Variants in RIMS4 observed in about 807,000 individuals in gnomAD.
RIMS4 encodes regulating synaptic membrane exocytosis protein 4.
Under a neutral mutation model 29.0 loss-of-function variants are expected in RIMS4, and 9 were observed. That is an observed-to-expected ratio of 0.31 (90% CI 0.19 to 0.54). RIMS4 has a LOEUF of 0.54. RIMS4 is among the 20% of genes least tolerant of loss of function. The pLI is 0.94. For synonymous variants in RIMS4, 130 were observed against 152.9 expected (o/e 0.85, Z 1.10); for missense variants, 193 against 365.7 (o/e 0.53, Z 3.85).
At chr20:44,800,353 A>G (rs1318740962) in intron 1 of RIMS4, among the ~76,000 whole-genome samples, 2 of 152,088 alleles carry the variant, frequency 1.3e-5, no homozygotes, top group East Asian at 3.9e-4. Flanking sequence ...TTTACGATGT[A>G]TCTACATTAT....
rs368239545 is a variant in RIMS4, at chr20:44,792,048, G to C, written c.97+18127C>G. On this transcript the variant is annotated intron_variant, in intron 1 of 5. Coordinates refer to ENST00000372851, the MANE Select transcript of RIMS4 (RefSeq NM_182970.4). ...AGTAATCAGCCTCTCACCCTTCAAGGTGGGACTCAGCACTCTCTGCTAAAT... is the reference window on the plus strand; with the variant it reads ...AGTAATCAGCCTCTCACCCTTCAAGCTGGGACTCAGCACTCTCTGCTAAAT... Among the ~76,000 whole-genome samples, 19 of 152,128 alleles carry C rather than the reference G, an allele frequency of 1.2e-4. No individual in the cohort carries two copies. In the East Asian group the frequency reaches 3.5e-3, roughly 28 times the overall value.
intron 1 of RIMS4, among the ~76,000 whole-genome samples, chr20:44,786,493 G>A (rs2066209288): frequency 6.6e-6 from 1 of 152,180 alleles, no homozygotes. Context: ...ACATATATGT[G>A]CCAGCCTTCA....
At chr20:44,788,392 C>A (rs540227752) in intron 1 of RIMS4, among the ~76,000 whole-genome samples, 2 of 152,302 alleles carry the variant, frequency 1.3e-5, no homozygotes, top group South Asian at 4.1e-4. Flanking sequence ...TGGGCTAGAA[C>A]TTGGTCTCTT....
intron 4 of RIMS4, 47 bp from the exon 5 acceptor site, chr20:44,757,084 T>C (rs1235352934): frequency 1.9e-6 from 3 of 1,596,728 alleles, no homozygotes; most frequent in Non-Finnish European, 2.6e-6. Flanking sequence ...GGCCCTCAAA[T>C]GGTGGGCAAA....
At chr20:44,760,194 G>A (rs1055679442) in intron 2 of RIMS4, among the ~76,000 whole-genome samples, 2 of 152,254 alleles carry the variant, frequency 1.3e-5, no homozygotes, top group Non-Finnish European at 2.9e-5. Flanking sequence ...GATCCTTGAG[G>A]ACGGTCTGTA....
chr20:44,810,279 CCGGCGCCGGGCGCCTCGGCCGCGGCGG>C lies in RIMS4; in HGVS notation c.-35_-9del. On this transcript the variant is annotated 5_prime_UTR_variant, in exon 1 of 6. Transcript: ENST00000372851. Reference sequence around the variant, plus strand: ...GCTCTGCGAGCGCTCCATGCCCGCGCCGGCGCCGGGCGCCTCGGCCGCGGCGGCGGCGGCGGCGGCGGGCGGCTTGGG... The same window carrying C: ...GCTCTGCGAGCGCTCCATGCCCGCGCCGGCGGCGGCGGCGGGCGGCTTGGG... 1 of 1,154,268 alleles carries C rather than the reference CCGGCGCCGGGCGCCTCGGCCGCGGCGG, an allele frequency of 8.7e-7. No individual in the cohort carries two copies. The highest frequency in any genetic ancestry group is 1.1e-6 in the Non-Finnish European group (1 of 920,838). 71.5% of individuals were successfully genotyped at this position (1,154,268 alleles called of 1,614,324 possible).
chr20:44,805,098 A>C (rs1050103959), intron 1 of RIMS4, among the ~76,000 whole-genome samples: 4 of 152,024 alleles, frequency 2.6e-5, no homozygotes, highest in African/African-American at 9.7e-5. Flanking sequence ...CAGGAGTTTG[A>C]GACCAGTCTG....
chr20:44,785,114 T>C lies in RIMS4; in HGVS notation c.98-13701A>G, dbSNP rs536417094. On this transcript the variant is annotated intron_variant, in intron 1 of 5. Transcript: ENST00000372851. ...TGCCTTCTTCATTGTTCAAGGAGCC[T>C]CTTGGGAGTGGATAAAAGCTACTCT... is the stretch of plus-strand genomic sequence containing the variant. 3.0e-4 allele frequency among the ~76,000 whole-genome samples: 46 copies of C among 152,304 alleles called. 1 individual carries two copies. The South Asian group carries it at 8.9e-3, about 30-fold the overall frequency.
intron 1 of RIMS4, among the ~76,000 whole-genome samples, chr20:44,776,938 CA>C (rs2066162707): frequency 6.6e-6 from 1 of 152,196 alleles, no homozygotes; most frequent in Non-Finnish European, 1.5e-5. Context: ...ACTTCAAACC[CA>C]GGCTATTCTG....
intron 1 of RIMS4, among the ~76,000 whole-genome samples, chr20:44,795,316 T>C (rs2066250005): frequency 1.3e-5 from 2 of 152,212 alleles, no homozygotes; most frequent in African/African-American, 4.8e-5. Flanking sequence ...CTAATGTTTC[T>C]GTGCCTCAGT....
rs147887330 is a variant in RIMS4, at chr20:44,785,197, C to T, written c.98-13784G>A. ...CAGTATGTTGCATAAAGTTTGGGAG[C>T]CTGCAATCCCTGGATTAAAAGCCAT... On this transcript the variant is annotated intron_variant, in intron 1 of 5. Transcript: ENST00000372851. 2.3e-3 allele frequency among the ~76,000 whole-genome samples: 353 copies of T among 152,044 alleles called. 1 individual carries two copies. The highest frequency in any genetic ancestry group is 8.0e-3 in the African/African-American group (331 of 41,510).
At chr20:44,803,094 T>C (rs2066283699) in intron 1 of RIMS4, among the ~76,000 whole-genome samples, 2 of 152,226 alleles carry the variant, frequency 1.3e-5, no homozygotes, top group Non-Finnish European at 1.5e-5. Context: ...CCTGAAATTC[T>C]TTATTGAATT....
chr20:44,808,675 C>A (rs2066309560), intron 1 of RIMS4, among the ~76,000 whole-genome samples: 1 of 152,210 alleles, frequency 6.6e-6, no homozygotes, highest in African/African-American at 2.4e-5. Context: ...TTACCCCCAT[C>A]CCCACCTCCA....
intron 1 of RIMS4, among the ~76,000 whole-genome samples, chr20:44,795,098 T>G (rs531297623): frequency 9.8e-5 from 15 of 152,312 alleles, no homozygotes; most frequent in African/African-American, 3.6e-4. Flanking sequence ...CACTCCTGCC[T>G]CAGGGCCCCT....
Position 44,756,759 on chromosome 20 carries a change from T to C in RIMS4, c.591+139A>G, listed in dbSNP as rs1191323519. The C allele has an allele frequency of 4.3e-6, 3 of 696,970 alleles. No individual in the cohort carries two copies. Among genetic ancestry groups the C allele is most frequent in the Non-Finnish European group, 7.0e-6 (3 of 428,128 alleles). The allele number at this position is 696,970 out of a possible 1,614,324, so 43.2% of individuals were successfully genotyped here. ...GTTGTGGAGCTCAGTTCAGCCACAG[T>C]GAACTGAGGGCCTCGCCTGTTTCCT... On this transcript the variant is annotated intron_variant, in intron 5 of 5. Transcript: ENST00000372851. This position sits in a 1 kb window ranked among gnomAD's most constrained non-coding sequence, Gnocchi z 5.9.
chr20:44,778,358 G>A (rs941268908), intron 1 of RIMS4, among the ~76,000 whole-genome samples: 2 of 152,306 alleles, frequency 1.3e-5, no homozygotes, highest in East Asian at 3.9e-4. Context: ...CCCAAAGAGG[G>A]GCAGGAGTTA....
intron 1 of RIMS4, among the ~76,000 whole-genome samples, chr20:44,773,915 G>T (rs1048451361): frequency 3.3e-5 from 5 of 152,102 alleles, no homozygotes; most frequent in African/African-American, 1.2e-4. Context: ...CGGGCACAAA[G>T]TAGGTGCCAA....
chr20:44,765,192 C>G (rs1196631318), intron 2 of RIMS4, among the ~76,000 whole-genome samples: 1 of 152,120 alleles, frequency 6.6e-6, no homozygotes, highest in Non-Finnish European at 1.5e-5. Flanking sequence ...GAGTCTGGCT[C>G]CAGGATTCAC....
At chr20:44,788,647 C>T (rs1240688003) in intron 1 of RIMS4, among the ~76,000 whole-genome samples, 1 of 152,054 alleles carries the variant, frequency 6.6e-6, no homozygotes, top group Non-Finnish European at 1.5e-5. Flanking sequence ...GCGGCTTGTG[C>T]CTGCTGTACA....
Sources: allele counts gnomAD v4.1 joint callset (sites outside exome capture counted in the v4.1 genomes callset), GRCh38; gene constraint gnomAD v4.1.1; non-coding constraint Gnocchi (gnomAD v3.1); transcripts MANE v1.5; gene names NCBI Gene and HGNC (gene_info 2026-07-23, HGNC 2026-07-21).